PBX1: variants seen among roughly 807,000 people sequenced by gnomAD.
The protein encoded by PBX1 is pre-B-cell leukemia transcription factor 1.
A neutral mutation model predicts 53.4 loss-of-function variants in PBX1; 6 were observed. That is an observed-to-expected ratio of 0.11 (90% confidence interval 0.06 to 0.22). PBX1 has a LOEUF of 0.22. PBX1 is among the 10% of genes least tolerant of loss of function. PBX1 has a pLI of 1.00. For missense variants in PBX1, 251 were observed against 551.4 expected (o/e 0.46, Z 5.46); for synonymous variants, 204 against 212.3 (o/e 0.96, Z 0.34).
In PBX1 at chr1:164,846,899, C is replaced by G; in HGVS notation, c.*223C>G. 7.2e-7 allele frequency: 1 copy of G among 1,380,222 alleles called. No individual in the cohort carries two copies. Among genetic ancestry groups the G allele is most frequent in the South Asian group, 1.8e-5 (1 of 55,362 alleles). 85.5% of individuals were successfully genotyped at this position (1,380,222 alleles called of 1,614,324 possible). ...TTTTTCTGGGTAGAAGCCACCCTTCCCTGCCTCCAGCTGTCAGCCTGGTTT... is the reference window on the plus strand; with the variant it reads ...TTTTTCTGGGTAGAAGCCACCCTTCGCTGCCTCCAGCTGTCAGCCTGGTTT... On this transcript the variant is annotated 3_prime_UTR_variant, in exon 9 of 9. Coordinates refer to ENST00000420696, the MANE Select transcript of PBX1 (RefSeq NM_002585.4).
At chr1:164,705,727 C>A (rs1449549744) in intron 2 of PBX1, among the ~76,000 whole-genome samples, 5 of 152,158 alleles carry the variant, frequency 3.3e-5, no homozygotes, top group Non-Finnish European at 7.3e-5. Context: ...TTATAATTTT[C>A]TCATTTGACA....
intron 8 of PBX1, among the ~76,000 whole-genome samples, chr1:164,826,121 CTCT>C (rs1670446054): frequency 6.6e-6 from 1 of 152,196 alleles, no homozygotes; most frequent in African/African-American, 2.4e-5. Context: ...ACTGAAAGCT[CTCT>C]TTCAGCTCAA....
chr1:164,640,561 T>G (rs1448794437), intron 2 of PBX1, among the ~76,000 whole-genome samples: 4 of 147,984 alleles, frequency 2.7e-5, no homozygotes, highest in Admixed American at 6.7e-5. Flanking sequence ...TTTTTGTGTT[T>G]TTTTTTTTTT....
At chr1:164,793,427 A>G (rs150372318) in intron 3 of PBX1, among the ~76,000 whole-genome samples, 1 of 152,276 alleles carries the variant, frequency 6.6e-6, no homozygotes, top group East Asian at 1.9e-4. Context: ...TGTTCTGCAT[A>G]CTCAATTCTG....
intron 2 of PBX1, among the ~76,000 whole-genome samples, chr1:164,773,800 A>G (rs1278413336): frequency 6.6e-6 from 1 of 152,142 alleles, no homozygotes; most frequent in Non-Finnish European, 1.5e-5. Context: ...TTGGGAAGGC[A>G]TTGGAAAGCT....
chr1:164,670,826 G>A (rs1209125309), intron 2 of PBX1, among the ~76,000 whole-genome samples: 1 of 152,178 alleles, frequency 6.6e-6, no homozygotes, highest in Non-Finnish European at 1.5e-5. Context: ...ACAAAGCATT[G>A]GGGGGAGGAT....
intron 2 of PBX1, among the ~76,000 whole-genome samples, chr1:164,742,788 T>A (rs1265286408): frequency 1.3e-5 from 2 of 152,186 alleles, no homozygotes; most frequent in Non-Finnish European, 2.9e-5. Context: ...AAGATCAATT[T>A]AACCAAATTT....
chr1:164,776,637 G>A (rs927141272), intron 2 of PBX1, among the ~76,000 whole-genome samples: 4 of 152,104 alleles, frequency 2.6e-5, no homozygotes, highest in Non-Finnish European at 4.4e-5. Context: ...GCCCCAAGGG[G>A]GATTTCTTTT....
At chr1:164,870,461 CAGT>C (rs1481296231) in intron 2 of PBX1, among the ~76,000 whole-genome samples, 1 of 151,882 alleles carries the variant, frequency 6.6e-6, no homozygotes, top group Non-Finnish European at 1.5e-5. Context: ...TCTCTTGTCT[CAGT>C]CTCCCAAGTA....
intron 2 of PBX1, among the ~76,000 whole-genome samples, chr1:164,582,616 T>A (rs1654693446): frequency 6.6e-6 from 1 of 151,860 alleles, no homozygotes; most frequent in Non-Finnish European, 1.5e-5. Context: ...AGAGATGGGG[T>A]TTCATCATAT....
intron 3 of PBX1, among the ~76,000 whole-genome samples, chr1:164,796,472 C>G (rs1030083955): frequency 6.6e-6 from 1 of 152,078 alleles, no homozygotes. Context: ...GACTAAATCT[C>G]TAATGTTGAA....
chr1:164,686,285 C>T (rs1197302266), intron 2 of PBX1, among the ~76,000 whole-genome samples: 1 of 152,186 alleles, frequency 6.6e-6, no homozygotes, highest in Non-Finnish European at 1.5e-5. Context: ...TGATCTGTGA[C>T]TAAACTGTTC....
At chr1:164,633,025 A>G (rs1658507172) in intron 2 of PBX1, among the ~76,000 whole-genome samples, 1 of 152,324 alleles carries the variant, frequency 6.6e-6, no homozygotes, top group Non-Finnish European at 1.5e-5. Flanking sequence ...CAATTAGTCA[A>G]TGGCATAGCT....
chr1:164,814,450 A>G (rs1453662954), intron 6 of PBX1: 3 of 152,186 alleles, frequency 2.0e-5, no homozygotes, highest in Admixed American at 6.5e-5. Context: ...TTGTAAAGAA[A>G]TATATTTCTG....
intron 2 of PBX1, chr1:164,682,617 A>T (rs1006215044): frequency 5.3e-5 from 8 of 152,190 alleles, no homozygotes; most frequent in Non-Finnish European, 1.0e-4. Context: ...AAGAGAAACT[A>T]ATTATGTGCC....
chr1:164,675,932 G>T (rs1049211852), intron 2 of PBX1, among the ~76,000 whole-genome samples: 18 of 152,184 alleles, frequency 1.2e-4, no homozygotes, highest in African/African-American at 4.1e-4. Context: ...TTTGAGTCTG[G>T]TAACCTCTCA....
chr1:164,672,667 C>T (rs1661182611), intron 2 of PBX1, among the ~76,000 whole-genome samples: 1 of 152,214 alleles, frequency 6.6e-6, no homozygotes. Context: ...TTCACCTCCT[C>T]TATTTGAACA....
At chr1:164,563,813 A>G (rs1653238643) in intron 2 of PBX1, 1 of 152,764 alleles carries the variant, frequency 6.5e-6, no homozygotes, top group Non-Finnish European at 1.5e-5. Flanking sequence ...TGCGCTATAC[A>G]ACATTAGGTT....
chr1:164,684,060 C>T (rs1490562097), intron 2 of PBX1: 1 of 152,198 alleles, frequency 6.6e-6, no homozygotes, highest in Non-Finnish European at 1.5e-5. Context: ...TCAAATGATC[C>T]TCCTGCATTG....
Sources: gnomAD v4.1 joint callset for allele counts (sites outside exome capture counted in the v4.1 genomes callset) on GRCh38, gnomAD v4.1.1 for gene constraint, MANE v1.5 for transcripts, NCBI Gene and HGNC (gene_info 2026-07-23, HGNC 2026-07-21) for gene names.